Variants in CUL9 observed in about 807,000 individuals in gnomAD.
CUL9 encodes cullin-9.
CUL9 carries 79 observed loss-of-function variants against 272.6 expected under a neutral mutation model. The ratio of observed to expected loss-of-function variants is 0.29; its 90% CI spans 0.24 to 0.35. The LOEUF (loss-of-function observed/expected upper bound fraction) is 0.35, where lower values mean the gene tolerates loss of function less well. Ranked by LOEUF, CUL9 falls within the 10% of genes least tolerant of loss-of-function variation. The pLI is 1.00. For synonymous variants in CUL9, 1,186 were observed against 1,286.5 expected (o/e 0.92, Z 1.67); for missense variants, 2,532 against 3,255.6 (o/e 0.78, Z 5.41).
In CUL9 at chr6:43,187,818, C is replaced by T. The variant is rs773300862; in HGVS notation, c.1687C>T (p.Leu563=). The T allele has an allele frequency of 5.2e-6, 8 of 1,546,708 alleles. No homozygotes were observed. The African/African-American group carries it at 8.7e-5, about 17-fold the overall frequency. The change falls in exon 7 of 41, where the codon CTG becomes TTG. Residue 563 remains leucine (L), a synonymous_variant. Coordinates refer to ENST00000252050, the MANE Select transcript of CUL9 (RefSeq NM_015089.4). ...SRFEGSTLND[L]LNSQIYTKYG... is the part of the protein sequence containing the mutation. ...ATTTGAGGGCAGCACTCTCAATGAC[C>T]TGCTCAACTCCCAGATCTACACCAA...
At chr6:43,202,663 G>A in intron 16 of CUL9, 53 bp from the exon 17 acceptor site, 1 of 1,505,856 alleles carries the variant, frequency 6.6e-7, no homozygotes, top group Non-Finnish European at 9.2e-7. Context: ...TTACAGATGT[G>A]AGCCACCACG....
chr6:43,204,537 C>G lies in CUL9; in HGVS notation c.4337C>G (p.Pro1446Arg), dbSNP rs753176702. The change falls in exon 21 of 41, where the codon CCC becomes CGC. Residue 1446 changes from proline (P) to arginine (R), a missense_variant and splice_region_variant. Around this residue, in one of 3 missense-constraint regions of CUL9, gnomAD observed 2,218 missense variants for 2,788.6 expected, o/e 0.80. Transcript: ENST00000252050. ...PGPSPEPSTR[P>R]FSKNSKGRDR... is the part of the protein sequence containing the mutation. ...CCTTCTCCTGAGCCATCCACTCGGC[C>G]CTGTAAGTCCCAGCTGTGGCCAGTG... is the stretch of plus-strand genomic sequence containing the variant. The G allele has an allele frequency of 7.4e-6, 12 of 1,613,922 alleles. No homozygotes were observed.
Position 43,193,107 on chromosome 6 carries a change from G to C in CUL9, c.2287G>C (p.Glu763Gln), listed in dbSNP as rs900733968. The C allele has an allele frequency of 6.2e-7, 1 of 1,614,214 alleles. No homozygotes were observed. Among genetic ancestry groups the C allele is most frequent in the Non-Finnish European group, 8.5e-7 (1 of 1,180,040 alleles). ...RLLYLLMTKH[E>Q]WRPLFAREGG... ...CCTTTACCTGCTCATGACCAAGCAC[G>C]AGTGGCGGCCGCTCTTTGCCAGGGA... The change falls in exon 9 of 41, where the codon GAG becomes CAG. Residue 763 changes from glutamate (E) to glutamine (Q), a missense_variant. Glu to Gln is a conservative substitution (Grantham distance 29). Coordinates refer to ENST00000252050, the MANE Select transcript of CUL9 (RefSeq NM_015089.4).
rs1772711841 is a variant in CUL9, at chr6:43,184,236, T to A, written c.-9-66T>A. 2 of 1,240,888 alleles carry A rather than the reference T, an allele frequency of 1.6e-6. No homozygotes were observed. The highest frequency in any genetic ancestry group is 2.4e-4 in the Middle Eastern group (1 of 4,240). The allele number at this position is 1,240,888 out of a possible 1,614,324, so 76.9% of individuals were successfully genotyped here. A position where few individuals can be genotyped will look rare whatever the true frequency, so the allele number is the denominator to read the frequency against. On this transcript the variant is annotated intron_variant, in intron 1 of 40. Coordinates refer to ENST00000252050, the MANE Select transcript of CUL9 (RefSeq NM_015089.4). The surrounding 1 kb of genome is among the most constrained non-coding windows in gnomAD (Gnocchi z 4.8). ...ACCCACCTTCTCTGTGTCTCAAGAT[T>A]CCACCCCCTCCATGTATTTTTTTTC...
In CUL9 at chr6:43,192,058, TC is replaced by T. The variant is rs1446047609; in HGVS notation, c.2181-942del. ...ATAATAGGCAAGCCTACCCCTTTTC[TC>T]TTTTTTTTTTTTTTTTTTTTGAGAC... On this transcript the variant is annotated intron_variant, in intron 8 of 40. Transcript: ENST00000252050. Among the ~76,000 whole-genome samples the T allele has an allele frequency of 2.4e-3, 342 of 140,580 alleles. 1 individual carries two copies. The highest frequency in any genetic ancestry group is 4.4e-3 in the Non-Finnish European group (287 of 65,846). 92.2% of individuals were successfully genotyped at this position (140,580 alleles called of 152,430 possible).
chr6:43,224,238 G>A lies in CUL9; in HGVS notation c.7359-12G>A. ...CAGCCTCCTCTGGGCTGAGTGTGGT[G>A]GCTCTCCCTAGGCCCCAGGCCTCCT... On this transcript the variant is annotated splice_polypyrimidine_tract_variant and intron_variant, in intron 40 of 40. Coordinates refer to ENST00000252050, the MANE Select transcript of CUL9 (RefSeq NM_015089.4). This position sits in a 1 kb window ranked among gnomAD's most constrained non-coding sequence, Gnocchi z 4.2. 1 of 1,614,162 alleles carries A rather than the reference G, an allele frequency of 6.2e-7. No homozygotes were observed. Among genetic ancestry groups the A allele is most frequent in the Non-Finnish European group, 8.5e-7 (1 of 1,180,022 alleles).
chr6:43,182,499 G>C (rs1772483751), intron 1 of CUL9, among the ~76,000 whole-genome samples: 1 of 145,630 alleles, frequency 6.9e-6, no homozygotes, highest in Non-Finnish European at 1.5e-5. Context: ...CTTGCTATCT[G>C]CTGGTCTCAT....
At position 43,221,085 on chromosome 6, in the gene CUL9, C is replaced by T; in HGVS notation, c.6589-73C>T. 1 of 1,552,754 alleles carries T rather than the reference C, an allele frequency of 6.4e-7. No individual in the cohort carries two copies. The highest frequency in any genetic ancestry group is 8.7e-7 in the Non-Finnish European group (1 of 1,147,986). On this transcript the variant is annotated intron_variant, in intron 33 of 40. Transcript: ENST00000252050. The surrounding 1 kb of genome is among the most constrained non-coding windows in gnomAD (Gnocchi z 4.2). ...TCCAAATGTGATCTGTGCCTGCTCC[C>T]CTCTCTCCTGTGCACACCAGCCATG... is the stretch of plus-strand genomic sequence containing the variant.
Position 43,200,935 on chromosome 6 carries a change from C to A in CUL9, c.3647+101C>A. On this transcript the variant is annotated intron_variant, in intron 16 of 40. Coordinates refer to ENST00000252050, the MANE Select transcript of CUL9 (RefSeq NM_015089.4). This position sits in a 1 kb window ranked among gnomAD's most constrained non-coding sequence, Gnocchi z 4.0. ...AGCTATAACCCCAATGCCTGAGGGA[C>A]ACACTCAAACCTATTTTGTGCAGTG... 1 of 1,444,264 alleles carries A rather than the reference C, an allele frequency of 6.9e-7. No homozygotes were observed. Among genetic ancestry groups the A allele is most frequent in the Non-Finnish European group, 9.6e-7 (1 of 1,041,946 alleles). 89.5% of individuals were successfully genotyped at this position (1,444,264 alleles called of 1,614,324 possible).
In CUL9 at chr6:43,206,938, G is replaced by A. The variant is rs550444221; in HGVS notation, c.5212+428G>A. Among the ~76,000 whole-genome samples the A allele has an allele frequency of 2.0e-5, 3 of 152,058 alleles. No individual in the cohort carries two copies. Among genetic ancestry groups the A allele is most frequent in the Non-Finnish European group, 2.9e-5 (2 of 67,972 alleles). ...CTGCTCACTGCAGCCTCTACCTCCCGGGTTCAAGCGATTCTCCTGTCTCAG... is the reference window on the plus strand; with the variant it reads ...CTGCTCACTGCAGCCTCTACCTCCCAGGTTCAAGCGATTCTCCTGTCTCAG... On this transcript the variant is annotated intron_variant, in intron 26 of 40. Coordinates refer to ENST00000252050, the MANE Select transcript of CUL9 (RefSeq NM_015089.4). The surrounding 1 kb of genome is among the most constrained non-coding windows in gnomAD (Gnocchi z 4.8).
rs374045868 is a variant in CUL9, at chr6:43,200,241, C to A, written c.3384+85C>A. On this transcript the variant is annotated intron_variant, in intron 14 of 40. Transcript: ENST00000252050. The surrounding 1 kb of genome is among the most constrained non-coding windows in gnomAD (Gnocchi z 4.0). ...ATTCACTGTGTTCCTCTTTGGTATC[C>A]CTGTTTGGCACAGGTTGTAGCAAAT... 1 of 1,466,230 alleles carries A rather than the reference C, an allele frequency of 6.8e-7. No individual in the cohort carries two copies. Among genetic ancestry groups the A allele is most frequent in the East Asian group, 2.4e-5 (1 of 42,054 alleles). 90.8% of individuals were successfully genotyped at this position (1,466,230 alleles called of 1,614,324 possible).
intron 3 of CUL9, 98 bp from the exon 4 acceptor site, chr6:43,185,854 GAGA>G: frequency 7.0e-7 from 1 of 1,435,198 alleles, no homozygotes; most frequent in Non-Finnish European, 9.4e-7. Context: ...CAGGCCTGGG[GAGA>G]AGGCCTTTAT....
chr6:43,195,835 C>CA (rs1773946234), intron 9 of CUL9, among the ~76,000 whole-genome samples: 1 of 152,178 alleles, frequency 6.6e-6, no homozygotes, highest in Admixed American at 6.5e-5. Flanking sequence ...CATCCAGTCT[C>CA]AGAGTTTTTT....
Position 43,186,189 on chromosome 6 carries a change from T to A in CUL9, c.985T>A (p.Ser329Thr). The change falls in exon 4 of 41, where the codon TCA (serine) becomes ACA (threonine). Residue 329 changes from serine to threonine, a missense_variant. This residue lies in a region of CUL9 where 2,218 missense variants were observed against 2,788.6 expected (regional missense o/e 0.80). Transcript: ENST00000252050. Reference sequence around the variant, plus strand: ...CCGGAACCTCAGCGAACAGGGCATGTCACCTCCCCGGCCAACCCGGTCCAT... The same window carrying A: ...CCGGAACCTCAGCGAACAGGGCATGACACCTCCCCGGCCAACCCGGTCCAT... ...WARNLSEQGM[S>T]PPRPTRSIFQ... 6.2e-7 allele frequency: 1 copy of A among 1,614,246 alleles called. No homozygotes were observed. Among genetic ancestry groups the A allele is most frequent in the African/African-American group, 1.3e-5 (1 of 75,066 alleles).
At position 43,185,505 on chromosome 6, in the gene CUL9, G is replaced by A; in HGVS notation, c.645G>A (p.Glu215=). 6.2e-7 allele frequency: 1 copy of A among 1,614,022 alleles called. No homozygotes were observed. The highest frequency in any genetic ancestry group is 8.5e-7 in the Non-Finnish European group (1 of 1,180,022). ...LLSLSQQDGI[E]QHMDFDSRYT... is the part of the protein sequence containing the mutation. ...CACTGAGCCAGCAAGATGGCATCGA[G>A]CAGCACATGGATTTTGACAGTCGCT... The change falls in exon 3 of 41, where the codon GAG becomes GAA. Residue 215 remains glutamate, a synonymous_variant. Coordinates refer to ENST00000252050, the MANE Select transcript of CUL9 (RefSeq NM_015089.4).
At chr6:43,210,466 T>C (rs892802204) in intron 26 of CUL9, among the ~76,000 whole-genome samples, 1 of 152,190 alleles carries the variant, frequency 6.6e-6, no homozygotes, top group Non-Finnish European at 1.5e-5. Flanking sequence ...AGCCAAGAGA[T>C]TGTTTGCTTT....
At chr6:43,209,817 T>C (rs1775332624) in intron 26 of CUL9, among the ~76,000 whole-genome samples, 1 of 151,858 alleles carries the variant, frequency 6.6e-6, no homozygotes, top group Non-Finnish European at 1.5e-5. Flanking sequence ...GGCTAATTTT[T>C]TTGTATTTTT....
In CUL9 at chr6:43,196,693, G is replaced by A. The variant is rs751758496; in HGVS notation, c.2634G>A (p.Leu878=). 3 of 1,614,140 alleles carry A rather than the reference G, an allele frequency of 1.9e-6. No homozygotes were observed. Among genetic ancestry groups the A allele is most frequent in the Non-Finnish European group, 2.5e-6 (3 of 1,180,030 alleles). ...GCTTACTCCTGCTCAACCTACTTTTGTGCAACCACCACACTCTGGGAGACC... is the reference window on the plus strand; with the variant it reads ...GCTTACTCCTGCTCAACCTACTTTTATGCAACCACCACACTCTGGGAGACC... The part of the protein sequence containing the change: ...RNGLLLLNLL[L]CNHHTLGDQI... The change falls in exon 11 of 41, where the codon TTG becomes TTA. Residue 878 remains leucine (L), a synonymous_variant. Transcript: ENST00000252050.
In CUL9 at chr6:43,220,942, G is replaced by T; in HGVS notation, c.6588+31G>T. ...AGCCCCACACTGGCCCTGACCCTGA[G>T]CAAGGATTCACACTCCTTCCCTGCT... On this transcript the variant is annotated intron_variant, in intron 33 of 40. Transcript: ENST00000252050. This position sits in a 1 kb window ranked among gnomAD's most constrained non-coding sequence, Gnocchi z 4.9. The T allele has an allele frequency of 6.3e-7, 1 of 1,575,496 alleles. No individual in the cohort carries two copies.
Sources: gnomAD v4.1 joint callset for allele counts (sites outside exome capture counted in the v4.1 genomes callset) on GRCh38, gnomAD v4.1.1 for gene constraint, gnomAD v4.1.1 regional missense constraint, Gnocchi (gnomAD v3.1) non-coding constraint, MANE v1.5 for transcripts, NCBI Gene and HGNC (gene_info 2026-07-23, HGNC 2026-07-21) for gene names.